The following ZMAT4 variants were observed in gnomAD, a reference collection of about 807,000 sequenced individuals.
The protein encoded by ZMAT4 is zinc finger matrin-type protein 4.
ZMAT4 carries 17 observed loss-of-function variants against 28.7 expected under a neutral mutation model. The observed-to-expected ratio is 0.59, with a 90% CI of 0.41 to 0.89. The LOEUF is 0.89. Among genes scored for constraint, ZMAT4 ranks in the 40% least tolerant of loss-of-function variants. The pLI is 0.00. For missense variants in ZMAT4, 240 were observed against 283.8 expected (o/e 0.85, Z 1.11); for synonymous variants, 117 against 109.2 (o/e 1.07, Z -0.44).
intron 1 of ZMAT4, among the ~76,000 whole-genome samples, chr8:40,841,269 A>G (rs990915713): frequency 3.9e-5 from 6 of 152,148 alleles, no homozygotes; most frequent in Admixed American, 3.3e-4. Flanking sequence ...TTCTGATAAG[A>G]GCCAGTTTGA....
intron 3 of ZMAT4, among the ~76,000 whole-genome samples, chr8:40,726,313 G>A (rs540374932): frequency 6.6e-6 from 1 of 152,314 alleles, no homozygotes; most frequent in East Asian, 1.9e-4. Flanking sequence ...TCATTTGGTG[G>A]CATCAAGATC....
intron 1 of ZMAT4, among the ~76,000 whole-genome samples, chr8:40,872,364 T>C (rs1817889077): frequency 2.0e-5 from 3 of 152,092 alleles, no homozygotes; most frequent in Admixed American, 2.0e-4. Context: ...CAGACACAAG[T>C]CATGTCACAG....
chr8:40,742,173 A>G (rs931448677), intron 3 of ZMAT4, among the ~76,000 whole-genome samples: 8 of 151,862 alleles, frequency 5.3e-5, no homozygotes, highest in Admixed American at 5.3e-4. Flanking sequence ...GTGGGATCTC[A>G]GGAGGTAGAG....
intron 6 of ZMAT4, among the ~76,000 whole-genome samples, chr8:40,567,481 A>T (rs1803957170): frequency 6.6e-6 from 1 of 152,160 alleles, no homozygotes; most frequent in African/African-American, 2.4e-5. Context: ...CTGTAATCCC[A>T]GCACTCTGGG....
At position 40,612,884 on chromosome 8, in the gene ZMAT4, C is replaced by T. The variant is rs567595833; in HGVS notation, c.578-31623G>A. On this transcript the variant is annotated intron_variant, in intron 5 of 6. Transcript: ENST00000297737. ...CTGGAGTGCAATGACGTGATCTTGG[C>T]TCACTGCAACCTCCGCCTGCCAGGT... is the stretch of plus-strand genomic sequence containing the variant. 5.4e-4 allele frequency among the ~76,000 whole-genome samples: 79 copies of T among 145,688 alleles called. 3 individuals are homozygous for T. The highest frequency in any genetic ancestry group is 7.6e-3 in the Middle Eastern group (2 of 262).
intron 4 of ZMAT4, among the ~76,000 whole-genome samples, chr8:40,676,409 A>T (rs1808911314): frequency 6.6e-6 from 1 of 152,190 alleles, no homozygotes. Flanking sequence ...GTCCTAAAGC[A>T]GTATAGCAGC....
intron 1 of ZMAT4, among the ~76,000 whole-genome samples, chr8:40,861,377 A>G (rs1368535700): frequency 6.6e-6 from 1 of 152,228 alleles, no homozygotes; most frequent in Non-Finnish European, 1.5e-5. Flanking sequence ...CCATATGTAG[A>G]AAGCTGAAAC....
At position 40,762,668 on chromosome 8, in the gene ZMAT4, A is replaced by T. The variant is rs184592218; in HGVS notation, c.192+4973T>A. ...AAGACCCCATCTCTAAAAATAAAAA[A>T]AACAAAAATGAAAAGATAGAAGAGG... On this transcript the variant is annotated intron_variant, in intron 3 of 6. Transcript: ENST00000297737. 2.6e-3 allele frequency among the ~76,000 whole-genome samples: 393 copies of T among 152,248 alleles called. 2 individuals are homozygous for T. The highest frequency in any genetic ancestry group is 0.014 in the Middle Eastern group (4 of 294).
At chr8:40,783,537 C>T (rs1457150633) in intron 2 of ZMAT4, among the ~76,000 whole-genome samples, 1 of 152,052 alleles carries the variant, frequency 6.6e-6, no homozygotes. Context: ...ATAACCATCA[C>T]CAAACTATAC....
intron 3 of ZMAT4, among the ~76,000 whole-genome samples, 160 bp from the exon 4 acceptor site, chr8:40,697,561 A>C (rs1430292479): frequency 6.6e-6 from 1 of 151,742 alleles, no homozygotes; most frequent in Non-Finnish European, 1.5e-5. Flanking sequence ...TTCTTTTTTA[A>C]AAAATTTTTT....
intron 4 of ZMAT4, 174 bp downstream of exon 4, chr8:40,697,071 G>A (rs1011461939): frequency 1.6e-6 from 1 of 615,992 alleles, no homozygotes; most frequent in South Asian, 3.0e-5. Flanking sequence ...GGTATTTAGG[G>A]GTCTTAGGAC....
chr8:40,684,482 C>T (rs538062826), intron 4 of ZMAT4, among the ~76,000 whole-genome samples: 1 of 152,300 alleles, frequency 6.6e-6, no homozygotes, highest in East Asian at 1.9e-4. Flanking sequence ...AGGCAGTATC[C>T]TATAGGAGCT....
At chr8:40,535,979 G>A (rs1055993011) in intron 6 of ZMAT4, among the ~76,000 whole-genome samples, 1 of 152,128 alleles carries the variant, frequency 6.6e-6, no homozygotes, top group African/African-American at 2.4e-5. Flanking sequence ...AGGAGAGGAG[G>A]AGTCATGTCT....
In ZMAT4 at chr8:40,571,234, A is replaced by G. The variant is rs182648751; in HGVS notation, c.674+9931T>C. On this transcript the variant is annotated intron_variant, in intron 6 of 6. Coordinates refer to ENST00000297737, the MANE Select transcript of ZMAT4 (RefSeq NM_024645.3). ...TCTTTTCAAGTCGGCAAAACACCTC[A>G]TCTAGTCACATACTGTAATTATAAT... 1.6e-3 allele frequency among the ~76,000 whole-genome samples: 247 copies of G among 152,332 alleles called. 1 individual carries two copies. The highest frequency in any genetic ancestry group is 5.7e-3 in the African/African-American group (235 of 41,586).
chr8:40,763,885 G>A (rs1475040093), intron 3 of ZMAT4, among the ~76,000 whole-genome samples: 1 of 151,934 alleles, frequency 6.6e-6, no homozygotes, highest in Non-Finnish European at 1.5e-5. Flanking sequence ...ATGTTTAGAG[G>A]GAATTATCTT....
chr8:40,571,960 A>T (rs974496443), intron 6 of ZMAT4, among the ~76,000 whole-genome samples: 2 of 152,188 alleles, frequency 1.3e-5, no homozygotes, highest in African/African-American at 4.8e-5. Flanking sequence ...TAATATCAGT[A>T]AACTACATTG....
intron 1 of ZMAT4, among the ~76,000 whole-genome samples, chr8:40,838,067 C>T (rs1370988278): frequency 6.6e-6 from 1 of 152,228 alleles, no homozygotes; most frequent in African/African-American, 2.4e-5. Flanking sequence ...AGGGTCTTGT[C>T]ACCTCGCCAG....
chr8:40,881,535 A>AAACGAGAAAGC (rs1818249878), intron 1 of ZMAT4, among the ~76,000 whole-genome samples: 3 of 34,452 alleles, frequency 8.7e-5, no homozygotes, highest in African/African-American at 4.2e-4. Flanking sequence ...AGACAGAAAG[A>AAACGAGAAAGC]AAGAAAGAAA....
intron 6 of ZMAT4, among the ~76,000 whole-genome samples, chr8:40,538,820 T>A (rs1018764735): frequency 6.6e-6 from 1 of 152,128 alleles, no homozygotes; most frequent in Non-Finnish European, 1.5e-5. Flanking sequence ...TCTTCCTTTG[T>A]CATCCAGGCT....
Sources: allele counts gnomAD v4.1 joint callset (sites outside exome capture counted in the v4.1 genomes callset), GRCh38; gene constraint gnomAD v4.1.1; transcripts MANE v1.5; gene names NCBI Gene and HGNC (gene_info 2026-07-23, HGNC 2026-07-21).